GPR39: variants seen among roughly 807,000 people sequenced by gnomAD.
GPR39 encodes G protein-coupled receptor 39, also known as zinc sensing receptor.
In GPR39, 23 loss-of-function variants were observed where a neutral mutation model predicts 18.4. The observed-to-expected ratio is 1.25, with a 90% CI of 0.90 to 1.77. The LOEUF is 1.77. GPR39 is among the 40% of genes most tolerant of loss of function. The pLI is 0.00. For synonymous variants in GPR39, 280 were observed against 257.9 expected (o/e 1.09, Z -0.82); for missense variants, 647 against 602.4 (o/e 1.07, Z -0.78).
intron 1 of GPR39, among the ~76,000 whole-genome samples, chr2:132,603,521 T>C (rs1681081767): frequency 6.6e-6 from 1 of 151,926 alleles, no homozygotes; most frequent in Admixed American, 6.6e-5. Context: ...AGAGTGGATT[T>C]GGAAAGTTCC....
chr2:132,633,338 CTGTGTGTGTGTGTG>C (rs55722602), intron 1 of GPR39, among the ~76,000 whole-genome samples: 36 of 139,198 alleles, frequency 2.6e-4, no homozygotes, highest in African/African-American at 4.1e-4. Context: ...CCAAATACCT[CTGTGTGTGTGTGTG>C]TGTGTGTGTG....
At chr2:132,532,360 C>T (rs1436896949) in intron 1 of GPR39, among the ~76,000 whole-genome samples, 1 of 151,796 alleles carries the variant, frequency 6.6e-6, no homozygotes, top group Non-Finnish European at 1.5e-5. Context: ...TAATAGCTTA[C>T]CAACCCAAAA....
intron 1 of GPR39, among the ~76,000 whole-genome samples, chr2:132,455,731 G>T (rs1227146664): frequency 6.6e-6 from 1 of 152,056 alleles, no homozygotes; most frequent in African/African-American, 2.4e-5. Context: ...CGTTCATTTT[G>T]TTATGTACCC....
intron 1 of GPR39, among the ~76,000 whole-genome samples, chr2:132,483,935 C>A (rs944810548): frequency 1.3e-5 from 2 of 152,182 alleles, no homozygotes; most frequent in African/African-American, 4.8e-5. Context: ...GATAGTATGT[C>A]AGCTTTTCTT....
At chr2:132,589,783 A>G (rs755119886) in intron 1 of GPR39, among the ~76,000 whole-genome samples, 7 of 152,208 alleles carry the variant, frequency 4.6e-5, no homozygotes, top group Non-Finnish European at 8.8e-5. Context: ...TTAAAATTAC[A>G]CTTAACTTGA....
At chr2:132,443,996 G>T (rs2104766713) in intron 1 of GPR39, among the ~76,000 whole-genome samples, 1 of 152,224 alleles carries the variant, frequency 6.6e-6, no homozygotes, top group Non-Finnish European at 1.5e-5. Flanking sequence ...GATCGCTTGA[G>T]CCTGGGAGGT....
intron 1 of GPR39, among the ~76,000 whole-genome samples, chr2:132,614,307 A>G (rs1049726855): frequency 2.6e-5 from 4 of 151,906 alleles, no homozygotes; most frequent in African/African-American, 9.7e-5. Flanking sequence ...CCCGGGTTCA[A>G]GCGATTCTCC....
intron 1 of GPR39, among the ~76,000 whole-genome samples, chr2:132,493,376 TAC>T (rs949772070): frequency 3.5e-5 from 5 of 144,490 alleles, no homozygotes; most frequent in Non-Finnish European, 7.6e-5. Context: ...ACTATATATA[TAC>T]ACACCGTATA....
intron 1 of GPR39, among the ~76,000 whole-genome samples, chr2:132,638,934 A>G (rs1681813239): frequency 6.6e-6 from 1 of 152,088 alleles, no homozygotes; most frequent in African/African-American, 2.4e-5. Context: ...CTTGCAGCTC[A>G]CAGAAGGTAA....
At chr2:132,504,423 G>A (rs1679099526) in intron 1 of GPR39, among the ~76,000 whole-genome samples, 1 of 152,138 alleles carries the variant, frequency 6.6e-6, no homozygotes. Context: ...AGCCTCTTGG[G>A]CCCCAGTTCT....
intron 1 of GPR39, among the ~76,000 whole-genome samples, chr2:132,599,528 A>G (rs1295611870): frequency 6.6e-6 from 1 of 152,338 alleles, no homozygotes; most frequent in East Asian, 1.9e-4. Context: ...TAGTCTTCGC[A>G]TCACTTAGTG....
At chr2:132,577,994 C>T (rs953372145) in intron 1 of GPR39, among the ~76,000 whole-genome samples, 5 of 151,182 alleles carry the variant, frequency 3.3e-5, no homozygotes, top group Non-Finnish European at 2.9e-5. Context: ...TTAAGTGTAA[C>T]GTTAACTGTA....
Position 132,567,065 on chromosome 2 carries a change from G to T in GPR39, c.857-78036G>T, listed in dbSNP as rs904045304. On this transcript the variant is annotated intron_variant, in intron 1 of 1. Transcript: ENST00000329321. Reference sequence around the variant, plus strand: ...GTGGAGCCTTTGGCCAGGTGTGGTGGCTCATGCCTGTAATCCCAGCACTTT... The same window carrying T: ...GTGGAGCCTTTGGCCAGGTGTGGTGTCTCATGCCTGTAATCCCAGCACTTT... Among the ~76,000 whole-genome samples, 2 of 152,232 alleles carry T rather than the reference G, an allele frequency of 1.3e-5. 1 individual carries two copies. Among genetic ancestry groups the T allele is most frequent in the South Asian group, 4.1e-4 (2 of 4,826 alleles).
intron 1 of GPR39, among the ~76,000 whole-genome samples, chr2:132,446,449 G>A (rs992616506): frequency 3.3e-5 from 5 of 152,202 alleles, no homozygotes; most frequent in Non-Finnish European, 5.9e-5. Context: ...TATTCAGTAA[G>A]CGTTTATTGA....
At chr2:132,625,884 A>G (rs1290081589) in intron 1 of GPR39, among the ~76,000 whole-genome samples, 1 of 152,070 alleles carries the variant, frequency 6.6e-6, no homozygotes, top group Non-Finnish European at 1.5e-5. Context: ...GGTGGATCAC[A>G]AGGTTGGGAG....
intron 1 of GPR39, among the ~76,000 whole-genome samples, chr2:132,598,873 G>A (rs1439136193): frequency 6.6e-6 from 1 of 152,070 alleles, no homozygotes; most frequent in Admixed American, 6.6e-5. Flanking sequence ...TCAAAGCATC[G>A]AGAATGTAAT....
At chr2:132,523,373 A>G (rs1302468986) in intron 1 of GPR39, among the ~76,000 whole-genome samples, 1 of 152,234 alleles carries the variant, frequency 6.6e-6, no homozygotes, top group Non-Finnish European at 1.5e-5. Flanking sequence ...TGGTTAACAG[A>G]TGAAAAACTC....
intron 1 of GPR39, among the ~76,000 whole-genome samples, chr2:132,483,349 G>A (rs1471337333): frequency 6.6e-6 from 1 of 152,200 alleles, no homozygotes; most frequent in Non-Finnish European, 1.5e-5. Flanking sequence ...CATGACTTCT[G>A]GCCCACACTT....
At chr2:132,427,450 T>A (rs931952106) in intron 1 of GPR39, among the ~76,000 whole-genome samples, 1 of 150,754 alleles carries the variant, frequency 6.6e-6, no homozygotes, top group East Asian at 1.9e-4. Context: ...CGTGAGCCAC[T>A]GCGCCTGGCC....
Sources: allele counts gnomAD v4.1 joint callset (sites outside exome capture counted in the v4.1 genomes callset), GRCh38; gene constraint gnomAD v4.1.1; transcripts MANE v1.5; gene names NCBI Gene and HGNC (gene_info 2026-07-23, HGNC 2026-07-21).